The following METTL15 variants were observed in gnomAD, a reference collection of about 807,000 sequenced individuals.
METTL15 encodes the protein methyltransferase 15, mitochondrial 12S rRNA N4-cytidine.
In METTL15, 34 loss-of-function variants were observed where a neutral mutation model predicts 38.3. The ratio of observed to expected loss-of-function variants is 0.89; its 90% CI spans 0.68 to 1.18. METTL15 has a LOEUF of 1.18. Ranked by LOEUF, METTL15 falls within the 50% of genes most tolerant of loss-of-function variation. METTL15 has a pLI of 0.00. For missense variants in METTL15, 438 were observed against 498.4 expected (o/e 0.88, Z 1.15); for synonymous variants, 162 against 170.9 (o/e 0.95, Z 0.41).
At chr11:28,418,438 G>A (rs1850791524) in intron 5 of METTL15, among the ~76,000 whole-genome samples, 1 of 152,086 alleles carries the variant, frequency 6.6e-6, no homozygotes, top group African/African-American at 2.4e-5. Context: ...GGTCTATTTT[G>A]AAGATGGATG....
At chr11:28,364,040 G>A (rs971533037) in intron 5 of METTL15, among the ~76,000 whole-genome samples, 3 of 152,006 alleles carry the variant, frequency 2.0e-5, no homozygotes, top group Non-Finnish European at 2.9e-5. Context: ...GCTGGTCTGC[G>A]TGCCTGTTTT....
intron 6 of METTL15, among the ~76,000 whole-genome samples, chr11:28,322,899 G>C (rs1373044376): frequency 6.6e-6 from 1 of 152,130 alleles, no homozygotes; most frequent in East Asian, 1.9e-4. Flanking sequence ...GCTGGTACTT[G>C]ACACTACAAA....
chr11:28,393,598 C>T (rs943653109), intron 5 of METTL15, among the ~76,000 whole-genome samples: 2 of 152,024 alleles, frequency 1.3e-5, no homozygotes, highest in Non-Finnish European at 2.9e-5. Context: ...AGCCTCTCTA[C>T]CTGGGCCTAC....
At chr11:28,203,888 A>G (rs1396304262) in intron 3 of METTL15, among the ~76,000 whole-genome samples, 1 of 152,080 alleles carries the variant, frequency 6.6e-6, no homozygotes, top group Non-Finnish European at 1.5e-5. Context: ...GTGTTCTAGG[A>G]GAGATCTATT....
chr11:28,397,117 A>G (rs1258409368), intron 5 of METTL15, among the ~76,000 whole-genome samples: 2 of 152,120 alleles, frequency 1.3e-5, no homozygotes, highest in Non-Finnish European at 2.9e-5. Flanking sequence ...CTTAAATGTT[A>G]GACCTAAAAC....
At chr11:28,178,739 A>G (rs1338352596) in intron 3 of METTL15, among the ~76,000 whole-genome samples, 1 of 151,840 alleles carries the variant, frequency 6.6e-6, no homozygotes, top group African/African-American at 2.4e-5. Context: ...TGTTTTGAAT[A>G]AAAACATTAT....
chr11:28,456,566 G>A (rs988179793), intron 6 of METTL15, among the ~76,000 whole-genome samples: 11 of 151,518 alleles, frequency 7.3e-5, no homozygotes, highest in African/African-American at 2.4e-4. Flanking sequence ...CTCAGTCCCC[G>A]AGTAGCTGGG....
intron 3 of METTL15, among the ~76,000 whole-genome samples, chr11:28,184,615 A>C (rs1381740931): frequency 6.6e-6 from 1 of 151,302 alleles, no homozygotes; most frequent in African/African-American, 2.4e-5. Flanking sequence ...TTAAATACTT[A>C]GTACAGTACT....
At chr11:28,291,669 A>G (rs1856520803) in intron 5 of METTL15, among the ~76,000 whole-genome samples, 1 of 152,204 alleles carries the variant, frequency 6.6e-6, no homozygotes. Flanking sequence ...TATAAAAGAA[A>G]ATAATAAAAA....
chr11:28,287,206 CATTTT>C lies in METTL15; in HGVS notation c.408-2995_408-2991del, dbSNP rs145678915. ...TGTGTGTGTGTGTGTGTTCATGAGG[CATTTT>C]ATTTGTAAATTTGTATTACATCTCT... On this transcript the variant is annotated intron_variant, in intron 4 of 6. Transcript: ENST00000407364. 5.3e-3 allele frequency: 941 copies of C among 176,518 alleles called. 11 individuals carry two copies. Among genetic ancestry groups the C allele is most frequent in the African/African-American group, 0.024 (903 of 37,062 alleles). The allele number at this position is 176,518 out of a possible 1,614,324, so 10.9% of individuals were successfully genotyped here.
intron 6 of METTL15, among the ~76,000 whole-genome samples, chr11:28,448,066 C>T (rs780238895): frequency 4.0e-5 from 6 of 151,780 alleles, no homozygotes; most frequent in Non-Finnish European, 7.4e-5. Context: ...CAAATGATAA[C>T]AGGATTGCAG....
At chr11:28,505,097 C>G (rs1340379848) in intron 6 of METTL15, among the ~76,000 whole-genome samples, 1 of 152,158 alleles carries the variant, frequency 6.6e-6, no homozygotes, top group Non-Finnish European at 1.5e-5. Flanking sequence ...TGGTGGGAAG[C>G]TGGCTGGACA....
At chr11:28,122,272 C>T (rs1460516711) in intron 3 of METTL15, 2 of 915,188 alleles carry the variant, frequency 2.2e-6, no homozygotes, top group Non-Finnish European at 2.9e-6. Flanking sequence ...ATGTGAAAAA[C>T]TGATGCAGAA....
chr11:28,504,197 CAA>C (rs376321913), intron 6 of METTL15, among the ~76,000 whole-genome samples: 12 of 71,152 alleles, frequency 1.7e-4, no homozygotes, highest in South Asian at 6.0e-4. Flanking sequence ...AACTCTGTCT[CAA>C]AAAAAAAAAA....
At chr11:28,136,964 G>T (rs998400498) in intron 3 of METTL15, among the ~76,000 whole-genome samples, 1 of 151,478 alleles carries the variant, frequency 6.6e-6, no homozygotes, top group African/African-American at 2.4e-5. Context: ...TCCTGTTTAA[G>T]AGAGAAAAAG....
intron 4 of METTL15, among the ~76,000 whole-genome samples, chr11:28,216,669 A>G (rs1319468955): frequency 6.6e-6 from 1 of 151,146 alleles, no homozygotes; most frequent in Non-Finnish European, 1.5e-5. Context: ...CCATTAGCTC[A>G]TCATTTACAT....
intron 5 of METTL15, among the ~76,000 whole-genome samples, chr11:28,423,002 G>GA (rs146734663): frequency 0.018 from 2,724 of 150,982 alleles, 55 homozygotes; most frequent in African/African-American, 0.052. Context: ...TTTTATAGGG[G>GA]AAAAAAAACA....
chr11:28,314,904 G>A (rs1388794338), intron 6 of METTL15, among the ~76,000 whole-genome samples: 1 of 152,216 alleles, frequency 6.6e-6, no homozygotes, highest in Non-Finnish European at 1.5e-5. Flanking sequence ...TGCAATCCAT[G>A]TAAAATGTGA....
intron 6 of METTL15, among the ~76,000 whole-genome samples, chr11:28,470,293 T>C (rs1192637030): frequency 3.9e-5 from 6 of 152,156 alleles, no homozygotes; most frequent in East Asian, 1.9e-4. Context: ...TACATAGTAA[T>C]AGAAGTTTTA....
Sources: gnomAD v4.1 joint callset for allele counts (sites outside exome capture counted in the v4.1 genomes callset) on GRCh38, gnomAD v4.1.1 for gene constraint, MANE v1.5 for transcripts, NCBI Gene and HGNC (gene_info 2026-07-23, HGNC 2026-07-21) for gene names.